Variants in MAPK10 observed in about 807,000 individuals in gnomAD.
The protein encoded by MAPK10 is JNK3 alpha protein kinase.
MAPK10 carries 25 observed loss-of-function variants against 59.3 expected under a neutral mutation model. The ratio of observed to expected loss-of-function variants is 0.42; its 90% CI spans 0.31 to 0.59. The LOEUF (loss-of-function observed/expected upper bound fraction) is 0.59. MAPK10 is among the 20% of genes least tolerant of loss of function. The probability of loss-of-function intolerance (pLI) is 0.15; values close to 1 mark genes in which losing one functional copy is unlikely to be tolerated. For synonymous variants in MAPK10, 190 were observed against 200.5 expected (o/e 0.95, Z 0.44); for missense variants, 351 against 568.9 (o/e 0.62, Z 3.90).
chr4:86,239,775 T>A (rs2092581997), intron 2 of MAPK10, among the ~76,000 whole-genome samples: 1 of 145,654 alleles, frequency 6.9e-6, no homozygotes, highest in Non-Finnish European at 1.5e-5. Context: ...GTCTACCTAC[T>A]TGGTTAATTT....
At chr4:86,306,282 T>G (rs986394405) in intron 2 of MAPK10, among the ~76,000 whole-genome samples, 7 of 152,262 alleles carry the variant, frequency 4.6e-5, no homozygotes, top group African/African-American at 7.2e-5. Flanking sequence ...AATATCTTCC[T>G]TAATAGAGGA....
At chr4:86,162,117 A>T (rs2149236648) in intron 3 of MAPK10, among the ~76,000 whole-genome samples, 1 of 152,040 alleles carries the variant, frequency 6.6e-6, no homozygotes, top group East Asian at 1.9e-4. Flanking sequence ...TAACCAAAAA[A>T]AGATAAGGTT....
At chr4:86,125,649 T>C (rs1361038064) in intron 4 of MAPK10, 1 of 152,132 alleles carries the variant, frequency 6.6e-6, no homozygotes. Flanking sequence ...GGCCATTTCA[T>C]GGCAATAAAA....
At chr4:86,210,855 CAT>C (rs1019528550) in intron 2 of MAPK10, among the ~76,000 whole-genome samples, 15 of 150,426 alleles carry the variant, frequency 1.0e-4, no homozygotes, top group African/African-American at 3.4e-4. Context: ...AAGAAAATAA[CAT>C]ATTAACAATA....
intron 1 of MAPK10, among the ~76,000 whole-genome samples, chr4:86,572,950 T>C (rs1761579731): frequency 6.6e-6 from 1 of 152,216 alleles, no homozygotes; most frequent in Admixed American, 6.5e-5. Flanking sequence ...TAGTAAAATA[T>C]TTGTTTAAAT....
intron 2 of MAPK10, among the ~76,000 whole-genome samples, chr4:86,332,000 C>A (rs1403305490): frequency 6.6e-6 from 1 of 152,100 alleles, no homozygotes; most frequent in Non-Finnish European, 1.5e-5. Flanking sequence ...ATTCCCTTTA[C>A]ATTTTTAATG....
chr4:86,199,395 GACA>G (rs1175721890), intron 2 of MAPK10, among the ~76,000 whole-genome samples: 2 of 151,586 alleles, frequency 1.3e-5, no homozygotes, highest in African/African-American at 2.4e-5. Context: ...TATCAAATAT[GACA>G]ACATCTCTTT....
At chr4:86,590,515 G>A (rs960832797) in intron 1 of MAPK10, among the ~76,000 whole-genome samples, 1 of 152,248 alleles carries the variant, frequency 6.6e-6, no homozygotes, top group East Asian at 1.9e-4. Context: ...TGGGTGTGGT[G>A]GGTCACACCT....
At chr4:86,358,940 C>T (rs979283466) in intron 1 of MAPK10, 1 of 151,998 alleles carries the variant, frequency 6.6e-6, no homozygotes, top group Non-Finnish European at 1.5e-5. Context: ...CTTAAAGGGA[C>T]CCCTTACCTA....
intron 2 of MAPK10, among the ~76,000 whole-genome samples, chr4:86,256,200 A>G (rs374516674): frequency 1.1e-4 from 17 of 152,302 alleles, no homozygotes; most frequent in African/African-American, 3.8e-4. Flanking sequence ...TGTCTCTACA[A>G]TCAACCAATC....
rs143420758 is a variant in MAPK10 at position 86,017,247 on chromosome 4, G to T, written c.1376C>A (p.Pro459His). ...GGCTAGTCACCTGCAACAACCCAGGGGTCCTGCCGAGGCTTCCAGGCTGCT... is the reference window on the plus strand; with the variant it reads ...GGCTAGTCACCTGCAACAACCCAGGTGTCCTGCCGAGGCTTCCAGGCTGCT... ...TDSSLEASAG[P>H]LGCCR Residue 459 changes from proline to histidine, a missense_variant, in exon 14 of 14, where the codon CCC (proline) becomes CAC (histidine). Pro to His is a moderately conservative substitution (Grantham distance 77). Transcript: ENST00000641462. This position sits in a 1 kb window ranked among gnomAD's most constrained non-coding sequence, Gnocchi z 4.4. 13 of 1,613,964 alleles carry T rather than the reference G, an allele frequency of 8.1e-6. No individual in the cohort carries two copies. Among genetic ancestry groups the T allele is most frequent in the African/African-American group, 8.0e-5 (6 of 74,902 alleles).
intron 1 of MAPK10, among the ~76,000 whole-genome samples, chr4:86,426,302 C>T (rs756857502): frequency 2.0e-5 from 3 of 152,132 alleles, no homozygotes; most frequent in African/African-American, 4.8e-5. Flanking sequence ...GGATTGGATG[C>T]TTAAATCCTT....
intron 2 of MAPK10, among the ~76,000 whole-genome samples, chr4:86,296,054 T>C (rs1463477195): frequency 1.3e-5 from 2 of 151,248 alleles, no homozygotes; most frequent in Non-Finnish European, 2.9e-5. Flanking sequence ...TGGGCATCTG[T>C]AATCCCAGCT....
intron 1 of MAPK10, among the ~76,000 whole-genome samples, chr4:86,432,018 A>T (rs1258288180): frequency 1.3e-5 from 2 of 152,124 alleles, no homozygotes; most frequent in Non-Finnish European, 2.9e-5. Context: ...TTGAAATCCA[A>T]AAGGAGAGGC....
Position 86,394,159 on chromosome 4 carries a change from C to T in MAPK10, c.-121-39515G>A, listed in dbSNP as rs186474321. The stretch of plus-strand genomic sequence containing the variant: ...TGGCATGCACCTGTAATCCCAGCTA[C>T]TTGGGAGGCTGAGGCAGGAGAATTG... On this transcript the variant is annotated intron_variant, in intron 1 of 13. Coordinates refer to the MAPK10 transcript ENST00000361569. Among the ~76,000 whole-genome samples, 70 of 152,084 alleles carry T rather than the reference C, an allele frequency of 4.6e-4. No homozygotes were observed. In the East Asian group the frequency reaches 0.012, roughly 26 times the overall value.
intron 1 of MAPK10, among the ~76,000 whole-genome samples, chr4:86,533,618 TAC>T (rs1322283379): frequency 6.6e-6 from 1 of 152,172 alleles, no homozygotes; most frequent in African/African-American, 2.4e-5. Context: ...TCTTTCTCAC[TAC>T]AGTCTTCACC....
At chr4:86,521,711 G>T (rs1757124592) in intron 1 of MAPK10, among the ~76,000 whole-genome samples, 1 of 152,014 alleles carries the variant, frequency 6.6e-6, no homozygotes, top group Non-Finnish European at 1.5e-5. Context: ...TCTTGCCCCA[G>T]GCTACAATCC....
intron 1 of MAPK10, among the ~76,000 whole-genome samples, chr4:86,574,453 T>C (rs1374812904): frequency 6.6e-6 from 1 of 151,584 alleles, no homozygotes. Flanking sequence ...ATGGTATTTC[T>C]AGTTCTAGAT....
chr4:86,209,048 A>G (rs1490824384), intron 2 of MAPK10, among the ~76,000 whole-genome samples: 3 of 152,118 alleles, frequency 2.0e-5, no homozygotes, highest in Non-Finnish European at 4.4e-5. Flanking sequence ...TATGTGAACT[A>G]AACAAATCAA....
Sources: allele counts gnomAD v4.1 joint callset (sites outside exome capture counted in the v4.1 genomes callset), GRCh38; gene constraint gnomAD v4.1.1; non-coding constraint Gnocchi (gnomAD v3.1); transcripts MANE v1.5; gene names NCBI Gene and HGNC (gene_info 2026-07-23, HGNC 2026-07-21).